Variants in TTC29 observed in about 807,000 individuals in gnomAD.
TTC29 encodes tetratricopeptide repeat domain 29.
TTC29 carries 49 observed loss-of-function variants against 58.1 expected under a neutral mutation model. The ratio of observed to expected loss-of-function variants is 0.84; its 90% CI spans 0.67 to 1.07. The LOEUF is 1.07. Among genes scored for constraint, TTC29 ranks in the 50% least tolerant of loss-of-function variants. The probability of loss-of-function intolerance (pLI) is 0.00; values close to 1 mark genes in which losing one functional copy is unlikely to be tolerated. For missense variants in TTC29, 582 were observed against 555.6 expected, an observed-to-expected ratio of 1.05 and a Z score of -0.48; for synonymous variants, 209 against 196.8, an observed-to-expected ratio of 1.06 and a Z score of -0.52.
intron 11 of TTC29, among the ~76,000 whole-genome samples, chr4:146,744,399 G>A (rs772654064): frequency 6.6e-6 from 1 of 151,936 alleles, no homozygotes; most frequent in Non-Finnish European, 1.5e-5. Context: ...AGGAGGATGA[G>A]GAAAGAAGGA....
At position 146,859,993 on chromosome 4, in the gene TTC29, TA is replaced by T. The variant is rs1342821357; in HGVS notation, c.885+7504del. Among the ~76,000 whole-genome samples, 8 of 152,232 alleles carry T rather than the reference TA, an allele frequency of 5.3e-5. No individual in the cohort carries two copies. The East Asian group carries it at 1.5e-3, about 29-fold the overall frequency. On this transcript the variant is annotated intron_variant, in intron 8 of 12. Transcript: ENST00000325106. ...AACTCTGAGATTTATTTGGGTTGCA[TA>T]ATGGTTTCAGCAGTAGACAGAAATG... is the stretch of plus-strand genomic sequence containing the variant.
intron 11 of TTC29, among the ~76,000 whole-genome samples, chr4:146,762,278 G>A (rs1430221728): frequency 6.6e-6 from 1 of 151,726 alleles, no homozygotes; most frequent in Non-Finnish European, 1.5e-5. Flanking sequence ...TTTAATGGTG[G>A]TACAACGTCT....
intron 11 of TTC29, among the ~76,000 whole-genome samples, chr4:146,797,504 T>C (rs527265966): frequency 6.1e-4 from 93 of 152,192 alleles, no homozygotes; most frequent in African/African-American, 2.2e-3. Context: ...GAAAGATATT[T>C]TCACTGAGTA....
chr4:146,721,262 A>T (rs748001149), intron 11 of TTC29, among the ~76,000 whole-genome samples: 11 of 152,118 alleles, frequency 7.2e-5, no homozygotes, highest in Non-Finnish European at 1.5e-4. Flanking sequence ...CGGTGGGTCA[A>T]ATATGAAAAG....
chr4:146,944,462 T>G (rs1736734220), intron 2 of TTC29: 1 of 152,188 alleles, frequency 6.6e-6, no homozygotes, highest in Non-Finnish European at 1.5e-5. Flanking sequence ...CAAGTAAAAT[T>G]CTTCAAAGAG....
chr4:146,736,130 T>C (rs1744692793), intron 11 of TTC29, among the ~76,000 whole-genome samples: 1 of 151,984 alleles, frequency 6.6e-6, no homozygotes, highest in South Asian at 2.1e-4. Flanking sequence ...CAATGAGAAA[T>C]TTGATCTGAA....
intron 11 of TTC29, among the ~76,000 whole-genome samples, chr4:146,801,715 G>A (rs957957980): frequency 1.3e-5 from 2 of 151,940 alleles, no homozygotes; most frequent in Non-Finnish European, 2.9e-5. Context: ...AGTGGCTCAC[G>A]CCTGTAATCC....
chr4:146,929,758 C>A (rs1045363141), intron 4 of TTC29, among the ~76,000 whole-genome samples: 1 of 151,864 alleles, frequency 6.6e-6, no homozygotes, highest in Non-Finnish European at 1.5e-5. Flanking sequence ...GTGTGGATTG[C>A]AAGGAAGAAG....
chr4:146,773,429 G>A (rs1250990256), intron 11 of TTC29, among the ~76,000 whole-genome samples: 1 of 152,086 alleles, frequency 6.6e-6, no homozygotes, highest in Non-Finnish European at 1.5e-5. Flanking sequence ...AACTTGAAGA[G>A]ATATTCAGTT....
intron 11 of TTC29, among the ~76,000 whole-genome samples, chr4:146,772,840 ATTCT>A (rs1270651752): frequency 3.9e-5 from 6 of 152,040 alleles, no homozygotes; most frequent in Non-Finnish European, 7.4e-5. Context: ...AACAATATTG[ATTCT>A]TTCTATCTAT....
intron 6 of TTC29, among the ~76,000 whole-genome samples, chr4:146,876,997 C>T (rs1031567933): frequency 6.6e-5 from 10 of 151,126 alleles, no homozygotes; most frequent in East Asian, 3.9e-4. Flanking sequence ...CTTGCTGAGC[C>T]GTGCAGGAGG....
intron 11 of TTC29, among the ~76,000 whole-genome samples, chr4:146,760,872 T>C (rs1275041376): frequency 6.7e-6 from 1 of 149,078 alleles, no homozygotes; most frequent in Admixed American, 6.8e-5. Flanking sequence ...ATACTATATA[T>C]ATATATATAT....
At chr4:146,746,030 G>A (rs1300844634) in intron 11 of TTC29, among the ~76,000 whole-genome samples, 1 of 152,174 alleles carries the variant, frequency 6.6e-6, no homozygotes, top group Non-Finnish European at 1.5e-5. Flanking sequence ...GGCACAGCTA[G>A]TTTACTCTGT....
At chr4:146,751,483 T>G (rs1745986931) in intron 11 of TTC29, among the ~76,000 whole-genome samples, 1 of 152,182 alleles carries the variant, frequency 6.6e-6, no homozygotes, top group Admixed American at 6.5e-5. Flanking sequence ...TAACAAATTT[T>G]AGAAGACTAA....
chr4:146,771,675 G>T (rs1747739212), intron 11 of TTC29, among the ~76,000 whole-genome samples: 1 of 152,106 alleles, frequency 6.6e-6, no homozygotes, highest in Non-Finnish European at 1.5e-5. Flanking sequence ...TAGGCATTTA[G>T]GTTGATTCTA....
At chr4:146,867,710 A>C (rs60402156) in intron 7 of TTC29, 127 bp from the exon 8 acceptor site, 26,729 of 481,152 alleles carry the variant, frequency 0.056, 1,029 homozygotes, top group Admixed American at 0.13. Context: ...AATAATCCCC[A>C]AAACCTAGCT....
At chr4:146,722,601 A>G (rs62327978) in intron 11 of TTC29, among the ~76,000 whole-genome samples, 9,393 of 152,262 alleles carry the variant, frequency 0.062, 404 homozygotes, top group Non-Finnish European at 0.097. Context: ...AAATGGTGCT[A>G]GAATAGCTGG....
chr4:146,833,728 G>A lies in TTC29; in HGVS notation c.977+78C>T, dbSNP rs139102019. 1.3e-4 allele frequency: 143 copies of A among 1,134,980 alleles called. No homozygotes were observed. In the Middle Eastern group the frequency reaches 2.0e-3, roughly 16 times the overall value. The allele number at this position is 1,134,980 out of a possible 1,614,324, so 70.3% of individuals were successfully genotyped here. On this transcript the variant is annotated intron_variant, in intron 9 of 12. Coordinates refer to ENST00000325106, the MANE Select transcript of TTC29 (RefSeq NM_031956.4). ...ATTTAAGCAGGCAGTAATGGAAAGC[G>A]ACAGACCTCAAACAATTTAAGCCTT...
intron 11 of TTC29, among the ~76,000 whole-genome samples, chr4:146,735,609 T>A (rs1197314098): frequency 6.6e-6 from 1 of 152,194 alleles, no homozygotes. Flanking sequence ...AAATGCCAAG[T>A]GGCACACCCT....
Sources: allele counts gnomAD v4.1 joint callset (sites outside exome capture counted in the v4.1 genomes callset), GRCh38; gene constraint gnomAD v4.1.1; transcripts MANE v1.5; gene names NCBI Gene and HGNC (gene_info 2026-07-23, HGNC 2026-07-21).